The following DRC9 variants were observed in gnomAD, a reference collection of about 807,000 sequenced individuals.
DRC9 encodes the protein dynein regulatory complex subunit 9, also known as dynein regulatory complex protein 9.
At chr3:197,905,174 A>T in the DRC9 span, among the ~76,000 whole-genome samples, 6 of 152,206 alleles carry the variant, frequency 3.9e-5, no homozygotes, top group Non-Finnish European at 8.8e-5. Context: ...TGGTAGCAAA[A>T]CAGGGCGACC....
chr3:197,913,979 A>C, the DRC9 span: 1 of 1,613,998 alleles, frequency 6.2e-7, no homozygotes, highest in South Asian at 1.1e-5. Context: ...CGATTCTCCA[A>C]GTTGGATTTT....
chr3:197,935,156 TGTGGC>T, the DRC9 span, among the ~76,000 whole-genome samples: 1 of 152,234 alleles, frequency 6.6e-6, no homozygotes, highest in Admixed American at 6.5e-5. Flanking sequence ...AAAGTAATTT[TGTGGC>T]CGGGCGCAGT....
At chr3:197,950,229 A>T in the DRC9 span, 1 of 1,231,092 alleles carries the variant, frequency 8.1e-7, no homozygotes, top group Non-Finnish European at 1.0e-6. Context: ...GAGGTGAGTG[A>T]AGGGTCTGCT....
the DRC9 span, chr3:197,955,906 A>G: frequency 1.3e-6 from 1 of 758,608 alleles, no homozygotes; most frequent in Non-Finnish European, 2.3e-6. Context: ...TTGGAGTACA[A>G]GGGGGTCAGA....
the DRC9 span, among the ~76,000 whole-genome samples, chr3:197,904,110 A>ATATATATAT: frequency 1.2e-5 from 1 of 80,786 alleles, no homozygotes; most frequent in Admixed American, 1.1e-4. Context: ...ATATATATAT[A>ATATATATAT]TTTTTTTTTT....
chr3:197,941,557 CCCTT>C, the DRC9 span, among the ~76,000 whole-genome samples: 2 of 69,574 alleles, frequency 2.9e-5, no homozygotes, highest in Non-Finnish European at 4.6e-5. Context: ...CTCCCTCCCT[CCCTT>C]CCTTCTTTCT....
At chr3:197,950,404 C>A in the DRC9 span, 2 of 1,070,394 alleles carry the variant, frequency 1.9e-6, no homozygotes, top group South Asian at 4.6e-5. Context: ...CCCCTGACAC[C>A]CGGAGAACGG....
chr3:197,939,223 A>T, the DRC9 span, among the ~76,000 whole-genome samples: 330 of 152,340 alleles, frequency 2.2e-3, 3 homozygotes, highest in Non-Finnish European at 3.5e-3. Context: ...CCATCTTTGT[A>T]GTCCCATTGC....
At chr3:197,941,131 C>T in the DRC9 span, among the ~76,000 whole-genome samples, 1 of 151,268 alleles carries the variant, frequency 6.6e-6, no homozygotes, top group Non-Finnish European at 1.5e-5. Context: ...TTTGTCCTTC[C>T]TTCCTTCCTT....
chr3:197,955,864 A>G, the DRC9 span: 7 of 1,079,250 alleles, frequency 6.5e-6, no homozygotes, highest in East Asian at 1.2e-4. Flanking sequence ...GATTTGCTAC[A>G]TGCTTAAAAT....
chr3:197,920,465 G>T, the DRC9 span, among the ~76,000 whole-genome samples: 1 of 149,608 alleles, frequency 6.7e-6, no homozygotes, highest in African/African-American at 2.5e-5. Context: ...GATGGCTCAT[G>T]CCTGTAATCC....
At chr3:197,957,128 T>C in the DRC9 span, 1 of 152,196 alleles carries the variant, frequency 6.6e-6, no homozygotes, top group Admixed American at 6.5e-5. Context: ...TTATTTGGTC[T>C]TCCATCTCCT....
At chr3:197,889,606 C>G in the DRC9 span, 2 of 1,614,206 alleles carry the variant, frequency 1.2e-6, no homozygotes, top group Non-Finnish European at 1.7e-6. Flanking sequence ...CTCCTCTTAT[C>G]CTTGCCTTTA....
the DRC9 span, chr3:197,913,746 A>C: frequency 3.2e-6 from 3 of 934,788 alleles, no homozygotes; most frequent in Non-Finnish European, 5.3e-6. Context: ...TTTATTTTCA[A>C]CCTCAAGTGG....
At chr3:197,947,930 T>C in the DRC9 span, among the ~76,000 whole-genome samples, 2 of 124,028 alleles carry the variant, frequency 1.6e-5, no homozygotes, top group African/African-American at 6.6e-5. Flanking sequence ...TGCTTTACCT[T>C]TTTTTTTTTT....
chr3:197,933,138 C>T, the DRC9 span, among the ~76,000 whole-genome samples: 1 of 146,660 alleles, frequency 6.8e-6, no homozygotes, highest in African/African-American at 2.6e-5. Flanking sequence ...ACGCATTTCC[C>T]TACATTCACA....
the DRC9 span, among the ~76,000 whole-genome samples, chr3:197,893,566 G>C: frequency 6.6e-6 from 1 of 150,578 alleles, no homozygotes; most frequent in African/African-American, 2.4e-5. Flanking sequence ...ATGTAGGGCC[G>C]GGCGCAGTGG....
At chr3:197,905,459 A>C in the DRC9 span, among the ~76,000 whole-genome samples, 26 of 152,320 alleles carry the variant, frequency 1.7e-4, no homozygotes, top group African/African-American at 5.5e-4. Context: ...TATTAAAGGA[A>C]TAACAGGCCG....
At chr3:197,938,248 C>T in the DRC9 span, among the ~76,000 whole-genome samples, 8 of 147,794 alleles carry the variant, frequency 5.4e-5, no homozygotes, top group Non-Finnish European at 1.0e-4. Context: ...ACCCGGGAGG[C>T]GGAGGCTGCA....
Sources: gnomAD v4.1 joint callset for allele counts (sites outside exome capture counted in the v4.1 genomes callset) on GRCh38, gnomAD v4.1.1 for gene constraint, MANE v1.5 for transcripts, NCBI Gene and HGNC (gene_info 2026-07-23, HGNC 2026-07-21) for gene names.